The following DGKB variants were observed in gnomAD, a reference collection of about 807,000 sequenced individuals.
DGKB encodes diacylglycerol kinase beta.
In DGKB, 67 loss-of-function variants were observed where a neutral mutation model predicts 114.3. The ratio of observed to expected loss-of-function variants is 0.59; its 90% CI spans 0.48 to 0.72. DGKB has a LOEUF of 0.72. DGKB is among the 30% of genes least tolerant of loss of function. The pLI is 0.00. For missense variants in DGKB, 907 were observed against 975.2 expected, an observed-to-expected ratio of 0.93 and a Z score of 0.93; for synonymous variants, 398 against 323.1, an observed-to-expected ratio of 1.23 and a Z score of -2.49.
intron 21 of DGKB, among the ~76,000 whole-genome samples, chr7:14,363,286 C>T (rs1265356011): frequency 6.6e-6 from 1 of 152,108 alleles, no homozygotes; most frequent in South Asian, 2.1e-4. Context: ...GTGCTAAATA[C>T]CACCTATGCA....
chr7:14,789,703 TG>T (rs1381750823), intron 2 of DGKB, among the ~76,000 whole-genome samples: 4 of 147,022 alleles, frequency 2.7e-5, no homozygotes, highest in African/African-American at 1.1e-4. Flanking sequence ...TACAGGTGCA[TG>T]TTACCACATC....
chr7:14,724,022 ACTTG>A (rs1188100566), intron 5 of DGKB, among the ~76,000 whole-genome samples: 1 of 152,200 alleles, frequency 6.6e-6, no homozygotes, highest in African/African-American at 2.4e-5. Context: ...ATTTTCAAAC[ACTTG>A]CATTTCATAT....
chr7:14,355,869 T>C (rs1814368957), intron 21 of DGKB, among the ~76,000 whole-genome samples: 1 of 152,222 alleles, frequency 6.6e-6, no homozygotes, highest in Non-Finnish European at 1.5e-5. Flanking sequence ...CTCCTCCTCG[T>C]ACCTCTGGTA....
intron 21 of DGKB, among the ~76,000 whole-genome samples, chr7:14,392,995 G>GTTTTGTTTTGTTTTTTT (rs1554404749): frequency 3.3e-5 from 2 of 60,546 alleles, no homozygotes; most frequent in African/African-American, 9.7e-5. Context: ...TTTTGTTTTT[G>GTTTTGTTTTGTTTTTTT]TTTTTTTTTT....
chr7:14,437,974 TGC>T (rs1175330056), intron 21 of DGKB, among the ~76,000 whole-genome samples: 1 of 151,928 alleles, frequency 6.6e-6, no homozygotes, highest in Non-Finnish European at 1.5e-5. Flanking sequence ...CTTTCATTGC[TGC>T]GTTACAGAAT....
At chr7:14,609,929 T>C (rs1480334101) in intron 16 of DGKB, among the ~76,000 whole-genome samples, 1 of 152,132 alleles carries the variant, frequency 6.6e-6, no homozygotes, top group East Asian at 1.9e-4. Flanking sequence ...GTTGTGAATG[T>C]AAATTAGTTC....
chr7:14,543,816 G>T (rs1387385057), intron 20 of DGKB, among the ~76,000 whole-genome samples: 1 of 152,132 alleles, frequency 6.6e-6, no homozygotes, highest in Non-Finnish European at 1.5e-5. Context: ...TACAGAGAAA[G>T]CTCCAAAAAT....
chr7:14,725,978 G>C (rs954328522), intron 5 of DGKB, among the ~76,000 whole-genome samples: 1 of 152,096 alleles, frequency 6.6e-6, no homozygotes, highest in Non-Finnish European at 1.5e-5. Context: ...TTCAAATGAA[G>C]TACATGTATC....
chr7:14,363,901 A>C (rs539087197), intron 21 of DGKB, among the ~76,000 whole-genome samples: 40 of 152,190 alleles, frequency 2.6e-4, no homozygotes, highest in African/African-American at 9.6e-4. Flanking sequence ...ATTAGAGAGA[A>C]ATGAGCTTTG....
intron 9 of DGKB, among the ~76,000 whole-genome samples, chr7:14,691,629 T>A (rs544306678): frequency 3.3e-5 from 5 of 152,166 alleles, no homozygotes; most frequent in Admixed American, 2.6e-4. Context: ...TCATTACACA[T>A]GATTATATGG....
intron 6 of DGKB, among the ~76,000 whole-genome samples, chr7:14,715,857 A>G (rs1224115550): frequency 1.3e-5 from 2 of 152,142 alleles, no homozygotes; most frequent in Non-Finnish European, 2.9e-5. Context: ...CCAAAACCCT[A>G]TTGAGGATGT....
intron 20 of DGKB, among the ~76,000 whole-genome samples, chr7:14,549,263 G>C (rs1255989170): frequency 6.6e-6 from 1 of 152,032 alleles, no homozygotes; most frequent in Admixed American, 6.6e-5. Context: ...TGACATCAAG[G>C]GTGACCATAG....
intron 23 of DGKB, among the ~76,000 whole-genome samples, chr7:14,307,228 T>C: frequency 7.4e-6 from 1 of 134,814 alleles, no homozygotes; most frequent in African/African-American, 2.7e-5. Context: ...CTAATAACTG[T>C]GATCACTATC....
At chr7:14,274,097 C>T (rs1484475661) in intron 23 of DGKB, among the ~76,000 whole-genome samples, 1 of 152,170 alleles carries the variant, frequency 6.6e-6, no homozygotes, top group Non-Finnish European at 1.5e-5. Flanking sequence ...CTTTGCTCAA[C>T]TGCAAGACGG....
At chr7:14,671,749 T>C (rs1161681587) in intron 13 of DGKB, among the ~76,000 whole-genome samples, 1 of 152,032 alleles carries the variant, frequency 6.6e-6, no homozygotes, top group Non-Finnish European at 1.5e-5. Context: ...AAAATGCATC[T>C]AAACCAGTAA....
intron 1 of DGKB, among the ~76,000 whole-genome samples, chr7:14,963,003 C>T (rs1374978191): frequency 6.6e-6 from 1 of 152,076 alleles, no homozygotes; most frequent in African/African-American, 2.4e-5. Context: ...CTTCCGTTCT[C>T]ATATTTGTTT....
intron 3 of DGKB, among the ~76,000 whole-genome samples, chr7:14,754,290 T>G (rs183772264): frequency 2.0e-4 from 31 of 152,288 alleles, no homozygotes; most frequent in African/African-American, 7.2e-4. Flanking sequence ...AATCTTTGTA[T>G]ATAATAAGCA....
chr7:14,419,781 G>A (rs1826378090), intron 21 of DGKB, among the ~76,000 whole-genome samples: 1 of 151,938 alleles, frequency 6.6e-6, no homozygotes, highest in East Asian at 1.9e-4. Flanking sequence ...TAAACTATGT[G>A]ACAAATGAGT....
At chr7:14,304,046 A>AACAC (rs773102280) in intron 23 of DGKB, among the ~76,000 whole-genome samples, 2,182 of 112,700 alleles carry the variant, frequency 0.019, 70 homozygotes, top group African/African-American at 0.063. Flanking sequence ...GTTCTTATAG[A>AACAC]ACACACACAC....
Sources: allele counts gnomAD v4.1 joint callset (sites outside exome capture counted in the v4.1 genomes callset), GRCh38; gene constraint gnomAD v4.1.1; transcripts MANE v1.5; gene names NCBI Gene and HGNC (gene_info 2026-07-23, HGNC 2026-07-21).